The following IL1RAPL2 variants were observed in gnomAD, a reference collection of about 807,000 sequenced individuals.
IL1RAPL2 encodes the protein X-linked interleukin-1 receptor accessory protein-like 2.
A neutral mutation model predicts 44.1 loss-of-function variants in IL1RAPL2; 3 were observed. The observed-to-expected ratio is 0.07, with a 90% CI of 0.03 to 0.18. The LOEUF (loss-of-function observed/expected upper bound fraction) is 0.18. IL1RAPL2 is among the 10% of genes least tolerant of loss of function. The pLI is 1.00. For missense variants in IL1RAPL2, 391 were observed against 496.4 expected (o/e 0.79, Z 2.02); for synonymous variants, 181 against 178.8 (o/e 1.01, Z -0.10).
At chrX:105,742,196 A>G (rs1340741447) in intron 8 of IL1RAPL2, among the ~76,000 whole-genome samples, 2 of 111,492 alleles carry the variant, frequency 1.8e-5, no homozygotes, top group Non-Finnish European at 3.8e-5. Context: ...TTCTTTTATT[A>G]ATGAAGACTT....
At chrX:105,571,249 T>G (rs760361438) in intron 6 of IL1RAPL2, among the ~76,000 whole-genome samples, 122 of 111,427 alleles carry the variant, frequency 1.1e-3, no homozygotes, top group Admixed American at 1.8e-3. Flanking sequence ...CATATGGATA[T>G]CTATTTAATA....
chrX:105,580,651 A>G (rs2037083075), intron 6 of IL1RAPL2, among the ~76,000 whole-genome samples: 1 of 111,352 alleles, frequency 9.0e-6, no homozygotes, highest in Admixed American at 9.6e-5. Flanking sequence ...CTGTCAAACC[A>G]AAGAATTATC....
At chrX:105,205,889 A>G (rs966466257) in intron 3 of IL1RAPL2, among the ~76,000 whole-genome samples, 6 of 110,758 alleles carry the variant, frequency 5.4e-5, no homozygotes, top group African/African-American at 2.0e-4. Flanking sequence ...GAGAAGCAAG[A>G]AGACCAAGTT....
rs186697516 is a variant in IL1RAPL2, at chrX:104,908,443, G to A, written c.82+249448G>A. On this transcript the variant is annotated intron_variant, in intron 2 of 10. Coordinates refer to ENST00000372582, the MANE Select transcript of IL1RAPL2 (RefSeq NM_017416.2). ...GCGTGATTTTGCAGTGGCTGGTACC[G>A]GTTGTTCCTTTCCATGTTTAGCACT... is the stretch of plus-strand genomic sequence containing the variant. Among the ~76,000 whole-genome samples the A allele has an allele frequency of 9.9e-3, 1,104 of 111,346 alleles. 13 individuals are homozygous for A. The highest frequency in any genetic ancestry group is 0.035 in the East Asian group (124 of 3,523).
intron 2 of IL1RAPL2, among the ~76,000 whole-genome samples, chrX:105,043,946 C>G (rs1303129235): frequency 8.9e-6 from 1 of 111,769 alleles, no homozygotes; most frequent in Non-Finnish European, 1.9e-5. Flanking sequence ...TTATGAGTAT[C>G]AATTACAGTA....
intron 1 of IL1RAPL2, among the ~76,000 whole-genome samples, chrX:104,625,250 C>T (rs184248055): frequency 3.6e-4 from 40 of 111,216 alleles, no homozygotes; most frequent in Middle Eastern, 4.6e-3. Context: ...TTCTTACTTA[C>T]TTATTTAAAC....
intron 2 of IL1RAPL2, among the ~76,000 whole-genome samples, chrX:104,666,492 G>T (rs1930489319): frequency 8.9e-6 from 1 of 111,941 alleles, no homozygotes; most frequent in Non-Finnish European, 1.9e-5. Flanking sequence ...TAAAGGATGA[G>T]AGAGAAGGAA....
At chrX:105,662,604 G>C (rs2037728609) in intron 6 of IL1RAPL2, among the ~76,000 whole-genome samples, 1 of 112,206 alleles carries the variant, frequency 8.9e-6, no homozygotes, top group South Asian at 3.7e-4. Context: ...CTAACAAATA[G>C]AGTAAAACAA....
chrX:105,552,471 A>G (rs1203446647), intron 6 of IL1RAPL2, among the ~76,000 whole-genome samples: 1 of 112,351 alleles, frequency 8.9e-6, no homozygotes, highest in African/African-American at 3.2e-5. Flanking sequence ...TAGAATACAC[A>G]TAACTAGAAT....
At chrX:104,972,890 G>A (rs2030262965) in intron 2 of IL1RAPL2, among the ~76,000 whole-genome samples, 1 of 112,027 alleles carries the variant, frequency 8.9e-6, no homozygotes, top group Non-Finnish European at 1.9e-5. Flanking sequence ...AATAGGTAGT[G>A]GAAGTCTTCC....
intron 2 of IL1RAPL2, among the ~76,000 whole-genome samples, chrX:104,692,699 A>T (rs992450883): frequency 9.0e-6 from 1 of 111,515 alleles, no homozygotes; most frequent in Non-Finnish European, 1.9e-5. Context: ...GCTGCACAGT[A>T]TTCCATGGTG....
At chrX:105,231,526 T>C (rs552390316) in intron 3 of IL1RAPL2, among the ~76,000 whole-genome samples, 2 of 112,362 alleles carry the variant, frequency 1.8e-5, no homozygotes, top group East Asian at 5.6e-4. Context: ...CTCAAATAGA[T>C]ACCTTTTGAT....
chrX:105,177,152 TC>T (rs1333868685), intron 2 of IL1RAPL2, among the ~76,000 whole-genome samples: 1 of 110,263 alleles, frequency 9.1e-6, no homozygotes, highest in Non-Finnish European at 1.9e-5. Context: ...TTACAGCCAC[TC>T]CCCAATTGCT....
chrX:104,992,432 A>AT (rs1474934802), intron 2 of IL1RAPL2, among the ~76,000 whole-genome samples: 1 of 111,349 alleles, frequency 9.0e-6, no homozygotes, highest in Non-Finnish European at 1.9e-5. Flanking sequence ...TCTCTTCAGA[A>AT]TTTTTTAGAA....
At chrX:105,047,282 T>G (rs2031852792) in intron 2 of IL1RAPL2, among the ~76,000 whole-genome samples, 1 of 111,865 alleles carries the variant, frequency 8.9e-6, no homozygotes, top group South Asian at 3.7e-4. Context: ...GCAACTCATA[T>G]TTCCTTCAGG....
At chrX:105,293,760 T>A (rs7064059) in intron 5 of IL1RAPL2, among the ~76,000 whole-genome samples, 9,923 of 109,854 alleles carry the variant, frequency 0.09, 1,180 homozygotes, top group African/African-American at 0.32. Context: ...GAAAAAAAAA[T>A]AATGTGAACC....
In IL1RAPL2 at chrX:105,717,273, C is replaced by T. The variant is rs186386002; in HGVS notation, c.773-94C>T. 382 of 809,549 alleles carry T rather than the reference C, an allele frequency of 4.7e-4. 5 individuals are homozygous for T. In the African/African-American group the frequency reaches 7.5e-3, roughly 16 times the overall value. 66.7% of individuals were successfully genotyped at this position (809,549 alleles called of 1,213,427 possible). A position where few individuals can be genotyped will look rare whatever the true frequency, so the allele number is the denominator to read the frequency against. On this transcript the variant is annotated intron_variant, in intron 6 of 10. Coordinates refer to ENST00000372582, the MANE Select transcript of IL1RAPL2 (RefSeq NM_017416.2). The stretch of plus-strand genomic sequence containing the variant: ...AGAAAAAGAGTTGAAAATTGGGTCA[C>T]CTCTGAGTTTTCCTTTGGATGTTAA...
chrX:104,818,344 A>G (rs1245689320), intron 2 of IL1RAPL2, among the ~76,000 whole-genome samples: 1 of 76,543 alleles, frequency 1.3e-5, no homozygotes, highest in Non-Finnish European at 2.2e-5. Flanking sequence ...ACTCCGTCTC[A>G]AAAAAAAAAA....
At chrX:105,462,243 T>C (rs1388913208) in intron 5 of IL1RAPL2, among the ~76,000 whole-genome samples, 1 of 111,339 alleles carries the variant, frequency 9.0e-6, no homozygotes, top group Non-Finnish European at 1.9e-5. Context: ...GAGATTAATA[T>C]CTCACTTGGG....
Sources: allele counts gnomAD v4.1 joint callset (sites outside exome capture counted in the v4.1 genomes callset), GRCh38; gene constraint gnomAD v4.1.1; transcripts MANE v1.5; gene names NCBI Gene and HGNC (gene_info 2026-07-23, HGNC 2026-07-21).